Variants in WDFY4 observed in about 807,000 individuals in gnomAD.
WDFY4 encodes WD repeat- and FYVE domain-containing protein 4.
Under a neutral mutation model 351.9 loss-of-function variants are expected in WDFY4, and 169 were observed. The observed-to-expected ratio is 0.48, with a 90% CI of 0.42 to 0.55. The LOEUF (loss-of-function observed/expected upper bound fraction) is 0.55. Among genes scored for constraint, WDFY4 ranks in the 20% least tolerant of loss-of-function variants. WDFY4 has a pLI of 0.00. For synonymous variants in WDFY4, 1,622 were observed against 1,574.6 expected (o/e 1.03, Z -0.71); for missense variants, 3,803 against 3,935.6 (o/e 0.97, Z 0.90).
At chr10:48,964,932 G>A (rs1842012167) in intron 54 of WDFY4, among the ~76,000 whole-genome samples, 1 of 152,096 alleles carries the variant, frequency 6.6e-6, no homozygotes, top group African/African-American at 2.4e-5. Context: ...TTTCTCTCTG[G>A]TCTCACATGA....
chr10:48,837,104 A>C (rs1329503608), intron 39 of WDFY4, among the ~76,000 whole-genome samples: 1 of 152,064 alleles, frequency 6.6e-6, no homozygotes, highest in Non-Finnish European at 1.5e-5. Flanking sequence ...AAAATTGAAA[A>C]TATTCTAAAA....
intron 10 of WDFY4, among the ~76,000 whole-genome samples, chr10:48,735,120 G>C (rs1450484066): frequency 6.6e-6 from 1 of 151,942 alleles, no homozygotes; most frequent in African/African-American, 2.4e-5. Flanking sequence ...TGCTTTCAAG[G>C]TGATTTCCAT....
chr10:48,774,675 A>G lies in WDFY4; in HGVS notation c.2768+3A>G. 1 of 1,551,640 alleles carries G rather than the reference A, an allele frequency of 6.4e-7. No homozygotes were observed. The highest frequency in any genetic ancestry group is 8.7e-7 in the Non-Finnish European group (1 of 1,146,948). On this transcript the variant is annotated splice_donor_region_variant and intron_variant, in intron 14 of 61. Coordinates refer to ENST00000325239, the MANE Select transcript of WDFY4 (RefSeq NM_001394531.1). ...GCCATTGAACCGGATGTGCTAAGGT[A>G]CCACATGCTGCATATTCAGTGCCGC...
At chr10:48,725,774 C>A in intron 5 of WDFY4, 107 bp from the exon 6 acceptor site, 2 of 1,188,552 alleles carry the variant, frequency 1.7e-6, no homozygotes, top group Non-Finnish European at 2.3e-6. Flanking sequence ...CTGTCCTTCT[C>A]ACAGAGACAT....
intron 54 of WDFY4, among the ~76,000 whole-genome samples, chr10:48,965,868 G>T (rs542302769): frequency 1.5e-3 from 224 of 152,310 alleles, no homozygotes; most frequent in Middle Eastern, 0.014. Flanking sequence ...GTTAGATAAA[G>T]ATTATATCTA....
chr10:48,697,430 G>A (rs536597015), intron 1 of WDFY4, among the ~76,000 whole-genome samples: 2 of 152,310 alleles, frequency 1.3e-5, no homozygotes, highest in African/African-American at 2.4e-5. Flanking sequence ...TACACATGGC[G>A]CCACTCAGAA....
chr10:48,940,991 A>G (rs921551044), intron 47 of WDFY4, among the ~76,000 whole-genome samples: 15 of 152,238 alleles, frequency 9.9e-5, no homozygotes, highest in African/African-American at 3.1e-4. Flanking sequence ...CATAGGTAGC[A>G]AAATGGTAAA....
At chr10:48,717,773 T>G (rs1207644075) in intron 2 of WDFY4, among the ~76,000 whole-genome samples, 2 of 152,260 alleles carry the variant, frequency 1.3e-5, no homozygotes, top group South Asian at 4.1e-4. Context: ...TCCTATTATA[T>G]AAATATACCA....
At position 48,822,545 on chromosome 10, in the gene WDFY4, C is replaced by T; in HGVS notation, c.5982+8C>T. 2 of 1,525,658 alleles carry T rather than the reference C, an allele frequency of 1.3e-6. No individual in the cohort carries two copies. The highest frequency in any genetic ancestry group is 1.8e-6 in the Non-Finnish European group (2 of 1,130,684). The allele number at this position is 1,525,658 out of a possible 1,614,324, so 94.5% of individuals were successfully genotyped here. A position where few individuals can be genotyped will look rare whatever the true frequency, so the allele number is the denominator to read the frequency against. On this transcript the variant is annotated splice_region_variant and intron_variant, in intron 35 of 61. Transcript: ENST00000325239. ...CTGGAGCACATCATGGTGGTAAGAG[C>T]TGCTCACTGACCGGGTATCTGTGTG...
chr10:48,876,121 C>G (rs1422775551), intron 42 of WDFY4, among the ~76,000 whole-genome samples: 1 of 152,182 alleles, frequency 6.6e-6, no homozygotes, highest in Non-Finnish European at 1.5e-5. Flanking sequence ...AGTATGCACC[C>G]TGAGTAGGGA....
intron 47 of WDFY4, among the ~76,000 whole-genome samples, chr10:48,912,674 A>T (rs887182640): frequency 6.6e-6 from 1 of 152,240 alleles, no homozygotes; most frequent in Non-Finnish European, 1.5e-5. Flanking sequence ...CATACTTGCC[A>T]CCATTATTTC....
chr10:48,832,874 T>C (rs1472401002), intron 39 of WDFY4, among the ~76,000 whole-genome samples, 165 bp downstream of exon 39: 1 of 152,210 alleles, frequency 6.6e-6, no homozygotes. Flanking sequence ...ATGTTTAGGC[T>C]GTATTAGGCT....
rs1022337284 is a variant in WDFY4 at position 48,917,302 on chromosome 10, T to A, written c.7586+15439T>A. The stretch of plus-strand genomic sequence containing the variant: ...ATACTTACACCTGTATCTCAGAAAG[T>A]GTGGAAAAACAGTTGTGGTGCAGAA... On this transcript the variant is annotated intron_variant, in intron 47 of 61. Coordinates refer to ENST00000325239, the MANE Select transcript of WDFY4 (RefSeq NM_001394531.1). 5.3e-5 allele frequency among the ~76,000 whole-genome samples: 8 copies of A among 152,286 alleles called. No individual in the cohort carries two copies. The South Asian group carries it at 1.5e-3, about 28-fold the overall frequency.
chr10:48,834,082 A>G (rs1195961300), intron 39 of WDFY4, among the ~76,000 whole-genome samples: 1 of 152,254 alleles, frequency 6.6e-6, no homozygotes, highest in Non-Finnish European at 1.5e-5. Context: ...GCTAAGAGCT[A>G]AGGGCAAAGC....
chr10:48,685,873 C>T (rs1435328980), intron 1 of WDFY4, among the ~76,000 whole-genome samples: 1 of 147,534 alleles, frequency 6.8e-6, no homozygotes, highest in African/African-American at 2.5e-5. Context: ...GGACAGGGGT[C>T]TACGGTGCTC....
intron 40 of WDFY4, among the ~76,000 whole-genome samples, chr10:48,871,471 C>CA (rs1307826938): frequency 6.6e-6 from 1 of 151,644 alleles, no homozygotes; most frequent in African/African-American, 2.4e-5. Context: ...GGTGGCCCCC[C>CA]CCTTTTTTTT....
chr10:48,723,598 G>A (rs989569687), intron 5 of WDFY4, 31 bp downstream of exon 5: 1 of 1,550,594 alleles, frequency 6.4e-7, no homozygotes, highest in African/African-American at 1.4e-5. Context: ...CAATTCCCTG[G>A]GTCAAAACCT....
chr10:48,925,091 T>C (rs375560998), intron 47 of WDFY4, among the ~76,000 whole-genome samples: 1 of 152,202 alleles, frequency 6.6e-6, no homozygotes, highest in Admixed American at 6.5e-5. Flanking sequence ...CTTTTACTTG[T>C]CGGTCATCTC....
chr10:48,847,940 C>T lies in WDFY4; in HGVS notation c.6663+15231C>T, dbSNP rs144134959. On this transcript the variant is annotated intron_variant, in intron 39 of 61. Coordinates refer to ENST00000325239, the MANE Select transcript of WDFY4 (RefSeq NM_001394531.1). The stretch of plus-strand genomic sequence containing the variant: ...TGTGGTGGTCTGGTCCCTCTTCACC[C>T]GCTCGGAGCGCCAGTTGTTTGTCAT... Among the ~76,000 whole-genome samples the T allele has an allele frequency of 5.0e-3, 768 of 152,260 alleles. 2 individuals carry two copies. Among genetic ancestry groups the T allele is most frequent in the Middle Eastern group, 0.014 (4 of 294 alleles).
Sources: gnomAD v4.1 joint callset for allele counts (sites outside exome capture counted in the v4.1 genomes callset) on GRCh38, gnomAD v4.1.1 for gene constraint, MANE v1.5 for transcripts, NCBI Gene and HGNC (gene_info 2026-07-23, HGNC 2026-07-21) for gene names.